The following SUSD6 variants were observed in gnomAD, a reference collection of about 807,000 sequenced individuals.
The protein encoded by SUSD6 is sushi domain containing 6.
In SUSD6, 16 loss-of-function variants were observed where a neutral mutation model predicts 28.4. That is an observed-to-expected ratio of 0.56 (90% CI 0.38 to 0.86). The LOEUF is 0.86. Ranked by LOEUF, SUSD6 falls within the 40% of genes least tolerant of loss-of-function variation. The pLI is 0.00. For missense variants in SUSD6, 341 were observed against 384.2 expected (o/e 0.89, Z 0.94); for synonymous variants, 147 against 159.6 (o/e 0.92, Z 0.59).
chr14:69,623,256 C>T (rs1176780513), intron 1 of SUSD6, among the ~76,000 whole-genome samples: 1 of 152,148 alleles, frequency 6.6e-6, no homozygotes, highest in South Asian at 2.1e-4. Flanking sequence ...TGCATACAGT[C>T]ATGTGCAGTG....
chr14:69,653,356 C>T (rs1490048254), intron 1 of SUSD6, among the ~76,000 whole-genome samples: 2 of 152,112 alleles, frequency 1.3e-5, no homozygotes, highest in Non-Finnish European at 2.9e-5. Context: ...AGAGGAAAGC[C>T]GGCTATTGGG....
chr14:69,618,690 T>A (rs1162087773), intron 1 of SUSD6, among the ~76,000 whole-genome samples: 2 of 152,228 alleles, frequency 1.3e-5, no homozygotes, highest in Non-Finnish European at 2.9e-5. Context: ...CCTGTGTGTG[T>A]GTGTGTAAAT....
chr14:69,625,846 T>A (rs893748610), intron 1 of SUSD6, among the ~76,000 whole-genome samples: 7 of 152,224 alleles, frequency 4.6e-5, no homozygotes, highest in Non-Finnish European at 1.0e-4. Context: ...CCATCTCTGC[T>A]GCTGGAGTCC....
chr14:69,709,990 T>A (rs1886439416), intron 5 of SUSD6, among the ~76,000 whole-genome samples: 1 of 152,208 alleles, frequency 6.6e-6, no homozygotes, highest in Non-Finnish European at 1.5e-5. Context: ...AGGTTTAGAA[T>A]ATCTGAAAGC....
At chr14:69,664,462 C>T (rs1435412530) in intron 2 of SUSD6, among the ~76,000 whole-genome samples, 1 of 152,028 alleles carries the variant, frequency 6.6e-6, no homozygotes, top group African/African-American at 2.4e-5. Flanking sequence ...AGCTGCAAAC[C>T]CTGTTGATGA....
intron 1 of SUSD6, among the ~76,000 whole-genome samples, chr14:69,650,924 C>T (rs1047050729): frequency 5.9e-5 from 9 of 152,292 alleles, no homozygotes; most frequent in African/African-American, 2.2e-4. Flanking sequence ...AGGGATCCGT[C>T]TTGGGAAGAT....
intron 2 of SUSD6, among the ~76,000 whole-genome samples, chr14:69,677,717 G>C (rs1345127256): frequency 6.6e-6 from 1 of 152,128 alleles, no homozygotes; most frequent in Non-Finnish European, 1.5e-5. Context: ...TAGCAGTCTT[G>C]ATGAATCTAA....
chr14:69,636,194 C>A (rs1885262994), intron 1 of SUSD6, among the ~76,000 whole-genome samples: 1 of 152,254 alleles, frequency 6.6e-6, no homozygotes, highest in African/African-American at 2.4e-5. Context: ...TCTGCACACA[C>A]TCTTGCTGCC....
intron 1 of SUSD6, among the ~76,000 whole-genome samples, chr14:69,633,838 A>C (rs1885228578): frequency 6.6e-6 from 1 of 152,358 alleles, no homozygotes; most frequent in Middle Eastern, 3.4e-3. Context: ...GAAGATTGTC[A>C]GGAAATGATG....
intron 2 of SUSD6, among the ~76,000 whole-genome samples, chr14:69,701,977 A>T (rs1886318712): frequency 6.6e-6 from 1 of 152,052 alleles, no homozygotes; most frequent in South Asian, 2.1e-4. Flanking sequence ...AGCCATTTGT[A>T]GATTGGAAAG....
chr14:69,654,752 G>A (rs963283090), intron 1 of SUSD6, among the ~76,000 whole-genome samples: 2 of 149,604 alleles, frequency 1.3e-5, no homozygotes, highest in Admixed American at 6.6e-5. Context: ...CCCTGAAGGC[G>A]ACCATTAGTT....
chr14:69,691,305 C>T (rs890835972), intron 2 of SUSD6, among the ~76,000 whole-genome samples: 10 of 152,110 alleles, frequency 6.6e-5, no homozygotes, highest in Admixed American at 3.3e-4. Flanking sequence ...AAGACAAGAT[C>T]GTGCCACTAG....
At chr14:69,662,470 G>T (rs1384747299) in intron 2 of SUSD6, among the ~76,000 whole-genome samples, 1 of 152,150 alleles carries the variant, frequency 6.6e-6, no homozygotes, top group Non-Finnish European at 1.5e-5. Flanking sequence ...TACAGCTCGA[G>T]ATTTGCAGTT....
chr14:69,671,568 A>T (rs187020197), intron 2 of SUSD6, among the ~76,000 whole-genome samples: 102 of 152,274 alleles, frequency 6.7e-4, no homozygotes, highest in African/African-American at 2.3e-3. Flanking sequence ...CACAAATTCC[A>T]TGGGGAGGCT....
In SUSD6 at chr14:69,698,960, T is replaced by A. The variant is rs544103936; in HGVS notation, c.122-4435T>A. On this transcript the variant is annotated intron_variant, in intron 2 of 5. Transcript: ENST00000342745. ...AGTTCATTGTCTTCCCAGAGTTAAG[T>A]ACAGAGCTTCCTTCTGCGAACCTGG... 8.5e-4 allele frequency among the ~76,000 whole-genome samples: 129 copies of A among 152,358 alleles called. 1 individual carries two copies. Among genetic ancestry groups the A allele is most frequent in the Admixed American group, 1.7e-3 (26 of 15,308 alleles).
In SUSD6 at chr14:69,704,692, G is replaced by C. The variant is rs774333196; in HGVS notation, c.408G>C (p.Val136=). The C allele has an allele frequency of 1.9e-6, 3 of 1,614,144 alleles. No individual in the cohort carries two copies. The highest frequency in any genetic ancestry group is 4.5e-5 in the East Asian group (2 of 44,870). ...CCGTGGCGCTCATTCTCCTCCTCGT[G>C]GTGCTGTTTGTGCTGCTGCAGCCAA... is the stretch of plus-strand genomic sequence containing the variant. ...ASSVALILLL[V]VLFVLLQPKL... The change falls in exon 4 of 6, where the codon GTG becomes GTC. Residue 136 remains valine (V), a synonymous_variant. Transcript: ENST00000342745.
intron 2 of SUSD6, among the ~76,000 whole-genome samples, chr14:69,689,823 G>T (rs1349716842): frequency 6.6e-6 from 1 of 152,100 alleles, no homozygotes; most frequent in Non-Finnish European, 1.5e-5. Context: ...GTGCCACGTT[G>T]CCTGGCTAAT....
At chr14:69,655,021 C>A (rs1405194175) in intron 1 of SUSD6, among the ~76,000 whole-genome samples, 1 of 152,038 alleles carries the variant, frequency 6.6e-6, no homozygotes, top group Non-Finnish European at 1.5e-5. Context: ...CCTTGAACTC[C>A]TCACCTTGTG....
At chr14:69,657,537 T>C (rs1342684870) in intron 1 of SUSD6, among the ~76,000 whole-genome samples, 1 of 152,034 alleles carries the variant, frequency 6.6e-6, no homozygotes, top group South Asian at 2.1e-4. Flanking sequence ...GATGGCAGAC[T>C]CCCTAATCTA....
Sources: allele counts gnomAD v4.1 joint callset (sites outside exome capture counted in the v4.1 genomes callset), GRCh38; gene constraint gnomAD v4.1.1; transcripts MANE v1.5; gene names NCBI Gene and HGNC (gene_info 2026-07-23, HGNC 2026-07-21).